The following GAN variants were observed in gnomAD, a reference collection of about 807,000 sequenced individuals.
GAN encodes epididymis secretory sperm binding protein.
A neutral mutation model predicts 71.3 loss-of-function variants in GAN; 48 were observed. The ratio of observed to expected loss-of-function variants is 0.67; its 90% confidence interval spans 0.53 to 0.86. GAN has a LOEUF of 0.86. Among genes scored for constraint, GAN ranks in the 40% least tolerant of loss-of-function variants. The probability of loss-of-function intolerance (pLI) is 0.00; values close to 1 mark genes in which losing one functional copy is unlikely to be tolerated. For missense variants in GAN, 928 were observed against 770.1 expected (o/e 1.21, Z -2.43); for synonymous variants, 386 against 276.8 (o/e 1.39, Z -3.92).
chr16:81,323,267 T>A (rs990058496), intron 1 of GAN, among the ~76,000 whole-genome samples: 3 of 152,168 alleles, frequency 2.0e-5, no homozygotes, highest in Non-Finnish European at 4.4e-5. Context: ...TACTGTCTTG[T>A]GCGACCAAAG....
intron 1 of GAN, among the ~76,000 whole-genome samples, chr16:81,340,182 T>A (rs1006024593): frequency 1.3e-5 from 2 of 152,152 alleles, no homozygotes; most frequent in African/African-American, 4.8e-5. Context: ...CAAGCAGTCC[T>A]CTCACCTCAG....
At chr16:81,315,344 G>A (rs1328440163) in intron 1 of GAN, 64 bp downstream of exon 1, 3 of 1,245,830 alleles carry the variant, frequency 2.4e-6, no homozygotes, top group African/African-American at 1.6e-5. Flanking sequence ...CGGGGCGGCC[G>A]GGCCGGGCGT....
chr16:81,359,509 C>T (rs1355567091), intron 5 of GAN, among the ~76,000 whole-genome samples: 2 of 148,750 alleles, frequency 1.3e-5, no homozygotes, highest in Non-Finnish European at 3.0e-5. Flanking sequence ...TGTTAATAGT[C>T]CTTTAGGAAG....
intron 1 of GAN, among the ~76,000 whole-genome samples, chr16:81,344,928 G>A (rs368290253): frequency 1.6e-3 from 248 of 152,092 alleles, no homozygotes; most frequent in African/African-American, 5.7e-3. Context: ...CAACCCCATC[G>A]AAAAATGGGC....
At position 81,315,140 on chromosome 16, in the gene GAN, C is replaced by G. The variant is rs777103014; in HGVS notation, c.27C>G (p.Asp9Glu). MAEGSAVS[D>E]PQHAARLLRA... is the part of the protein sequence containing the mutation. ...TGGCTGAGGGCAGTGCCGTGTCTGA[C>G]CCTCAGCACGCCGCGCGTCTGCTGC... Residue 9 changes from aspartate (D) to glutamate (E), a missense_variant, in exon 1 of 11, where the codon GAC becomes GAG. Physicochemically the swap from Asp to Glu is conservative, Grantham distance 45 (BLOSUM62 2). Coordinates refer to ENST00000648994, the MANE Select transcript of GAN (RefSeq NM_022041.4). The G allele has an allele frequency of 6.5e-7, 1 of 1,534,560 alleles. No homozygotes were observed. Among genetic ancestry groups the G allele is most frequent in the Non-Finnish European group, 8.8e-7 (1 of 1,142,108 alleles).
intron 9 of GAN, among the ~76,000 whole-genome samples, chr16:81,375,838 T>C (rs1265895843): frequency 6.6e-6 from 1 of 151,308 alleles, no homozygotes; most frequent in Non-Finnish European, 1.5e-5. Context: ...GGTGTGGTGG[T>C]GTGCACCTGT....
At chr16:81,355,215 C>A (rs1397308820) in intron 3 of GAN, among the ~76,000 whole-genome samples, 1 of 152,102 alleles carries the variant, frequency 6.6e-6, no homozygotes, top group Non-Finnish European at 1.5e-5. Context: ...ATTGACACCA[C>A]GCAGGAGAAA....
At chr16:81,359,215 A>G (rs113005202) in intron 5 of GAN, among the ~76,000 whole-genome samples, 1 of 152,050 alleles carries the variant, frequency 6.6e-6, no homozygotes, top group Non-Finnish European at 1.5e-5. Flanking sequence ...CCCAAAATAT[A>G]TACACATATT....
chr16:81,345,433 C>A (rs1180974018), intron 1 of GAN, among the ~76,000 whole-genome samples: 1 of 152,148 alleles, frequency 6.6e-6, no homozygotes, highest in African/African-American at 2.4e-5. Flanking sequence ...AGGATGAGTT[C>A]ATGTCTTTTG....
rs765138262 is a variant in GAN at position 81,387,799 on chromosome 16, G to C, written c.*10203G>C. ...CCACTGTACTCCAGCCTGGGCGACAGAGGGGGACTCTGTCTCACAAAAAAA... is the reference window on the plus strand; with the variant it reads ...CCACTGTACTCCAGCCTGGGCGACACAGGGGGACTCTGTCTCACAAAAAAA... On this transcript the variant is annotated 3_prime_UTR_variant, in exon 11 of 11. Coordinates refer to ENST00000648994, the MANE Select transcript of GAN (RefSeq NM_022041.4). The C allele has an allele frequency of 6.6e-6, 1 of 152,018 alleles. No individual in the cohort carries two copies. Among genetic ancestry groups the C allele is most frequent in the Non-Finnish European group, 1.5e-5 (1 of 68,048 alleles). The allele number at this position is 152,018 out of a possible 1,614,324, so 9.4% of individuals were successfully genotyped here. A position where few individuals can be genotyped will look rare whatever the true frequency, so the allele number is the denominator to read the frequency against.
intron 1 of GAN, among the ~76,000 whole-genome samples, chr16:81,327,857 A>C (rs1426665771): frequency 6.6e-6 from 1 of 152,232 alleles, no homozygotes; most frequent in East Asian, 1.9e-4. Context: ...GGTTATATAG[A>C]AAGAGCCTTT....
At chr16:81,341,293 A>T (rs950094478) in intron 1 of GAN, among the ~76,000 whole-genome samples, 1 of 152,158 alleles carries the variant, frequency 6.6e-6, no homozygotes, top group African/African-American at 2.4e-5. Context: ...AATACAGAGA[A>T]TGCCACAAAG....
In GAN at chr16:81,360,081, A is replaced by G. The variant is rs12919373; in HGVS notation, c.973+2150A>G. On this transcript the variant is annotated intron_variant, in intron 5 of 10. Coordinates refer to ENST00000648994, the MANE Select transcript of GAN (RefSeq NM_022041.4). ...TGGATGGATGGATAGATGGATGGAC[A>G]GACAGATAGGTAGATAGATGATTGA... Among the ~76,000 whole-genome samples the G allele has an allele frequency of 7.4e-5, 11 of 147,714 alleles. No homozygotes were observed. In the South Asian group the frequency reaches 2.4e-3, roughly 32 times the overall value.
chr16:81,324,398 G>C (rs917135170), intron 1 of GAN, among the ~76,000 whole-genome samples: 2 of 152,166 alleles, frequency 1.3e-5, no homozygotes, highest in African/African-American at 2.4e-5. Context: ...CTGCTCCGAG[G>C]TGGTGCCATT....
chr16:81,361,017 AGTTTGAAAT>A (rs1199609241), intron 5 of GAN, among the ~76,000 whole-genome samples: 1 of 152,138 alleles, frequency 6.6e-6, no homozygotes, highest in African/African-American at 2.4e-5. Flanking sequence ...TGAGGTCAGG[AGTTTGAAAT>A]CAACTGGCCA....
In GAN at chr16:81,328,043, G is replaced by A. The variant is rs145132840; in HGVS notation, c.167+12763G>A. 8.5e-3 allele frequency among the ~76,000 whole-genome samples: 1,301 copies of A among 152,254 alleles called. 18 individuals are homozygous for A. Among genetic ancestry groups the A allele is most frequent in the African/African-American group, 0.03 (1,234 of 41,556 alleles). ...TGGCTTCACCAGTTGCTGCGTCATC[G>A]TTTTAATCGTCTTTGAACTCTTAAA... On this transcript the variant is annotated intron_variant, in intron 1 of 10. Coordinates refer to ENST00000648994, the MANE Select transcript of GAN (RefSeq NM_022041.4).
intron 9 of GAN, among the ~76,000 whole-genome samples, chr16:81,373,571 A>G (rs932633482): frequency 6.6e-6 from 1 of 152,200 alleles, no homozygotes; most frequent in African/African-American, 2.4e-5. Context: ...CCGTAGTACA[A>G]GCATCAAAAC....
intron 1 of GAN, among the ~76,000 whole-genome samples, chr16:81,328,688 C>G (rs1051191557): frequency 2.1e-5 from 3 of 145,218 alleles, no homozygotes; most frequent in African/African-American, 5.1e-5. Context: ...TTTTTTAGAT[C>G]TATCACCATT....
chr16:81,368,982 G>C (rs75257661), intron 9 of GAN, among the ~76,000 whole-genome samples: 2,549 of 152,242 alleles, frequency 0.017, 69 homozygotes, highest in African/African-American at 0.058. Context: ...TTAAGAAAAA[G>C]TTTCACCCTT....
Sources: allele counts gnomAD v4.1 joint callset (sites outside exome capture counted in the v4.1 genomes callset), GRCh38; gene constraint gnomAD v4.1.1; transcripts MANE v1.5; gene names NCBI Gene and HGNC (gene_info 2026-07-23, HGNC 2026-07-21).